Variants in LUC7L2 observed in about 807,000 individuals in gnomAD.
The protein encoded by LUC7L2 is LUC7 like 2, pre-mRNA splicing factor, also known as putative RNA-binding protein Luc7-like 2.
LUC7L2 carries 25 observed loss-of-function variants against 52.8 expected under a neutral mutation model. That is an observed-to-expected ratio of 0.47 (90% CI 0.34 to 0.66). The LOEUF is 0.66. LUC7L2 is among the 30% of genes least tolerant of loss of function. LUC7L2 has a pLI of 0.01. For missense variants in LUC7L2, 328 were observed against 497.8 expected (o/e 0.66, Z 3.25); for synonymous variants, 144 against 160.9 (o/e 0.89, Z 0.80).
upstream of LUC7L2, among the ~76,000 whole-genome samples, chr7:139,355,210 G>A (rs1799574169): frequency 6.6e-6 from 1 of 152,110 alleles, no homozygotes; most frequent in African/African-American, 2.4e-5. Context: ...TGTTGGTCAA[G>A]AGAAAATGAG....
At chr7:139,400,728 A>G (rs1029855758) in intron 3 of LUC7L2, among the ~76,000 whole-genome samples, 1 of 151,978 alleles carries the variant, frequency 6.6e-6, no homozygotes, top group Admixed American at 6.6e-5. Flanking sequence ...ACCCAACACT[A>G]TTTGCTGATT....
chr7:139,401,508 A>C (rs564699636), intron 3 of LUC7L2, among the ~76,000 whole-genome samples: 1 of 152,264 alleles, frequency 6.6e-6, no homozygotes, highest in South Asian at 2.1e-4. Flanking sequence ...GCTAGAATGC[A>C]GTGGTGCGAT....
At chr7:139,407,539 T>C (rs1795179286) in intron 6 of LUC7L2, among the ~76,000 whole-genome samples, 189 bp downstream of exon 6, 1 of 152,184 alleles carries the variant, frequency 6.6e-6, no homozygotes, top group African/African-American at 2.4e-5. Flanking sequence ...GACTTAATAT[T>C]ATCCTGTTAT....
At chr7:139,382,934 C>CT (rs978107145) in intron 2 of LUC7L2, among the ~76,000 whole-genome samples, 131 of 145,254 alleles carry the variant, frequency 9.0e-4, no homozygotes, top group East Asian at 1.2e-3. Context: ...GCTGAAGTAT[C>CT]TTTTTTTTTT....
chr7:139,343,742 C>G (rs1799116580), intron 1 of LUC7L2, among the ~76,000 whole-genome samples: 1 of 151,946 alleles, frequency 6.6e-6, no homozygotes, highest in Non-Finnish European at 1.5e-5. Flanking sequence ...CACGACCAGC[C>G]TGGGCAACAT....
intron 5 of LUC7L2, among the ~76,000 whole-genome samples, 174 bp from the exon 6 acceptor site, chr7:139,407,000 G>GTTTTTTTTTTTTTTTT (rs779013466): frequency 4.5e-5 from 5 of 111,612 alleles, no homozygotes; most frequent in African/African-American, 1.1e-4. Flanking sequence ...ATGCTTTTGT[G>GTTTTTTTTTTTTTTTT]GTTTTTTTTT....
intron 2 of LUC7L2, among the ~76,000 whole-genome samples, chr7:139,394,818 G>A (rs968231608): frequency 6.6e-6 from 1 of 152,152 alleles, no homozygotes; most frequent in East Asian, 1.9e-4. Context: ...ATTAGACTAG[G>A]AATCAGTCTA....
intron 1 of LUC7L2, chr7:139,341,582 G>T: frequency 6.3e-7 from 1 of 1,582,168 alleles, no homozygotes. Flanking sequence ...GCCGGGTCTG[G>T]GCTAGGGTGG....
At chr7:139,342,477 T>TG (rs1000585773) in intron 1 of LUC7L2, among the ~76,000 whole-genome samples, 1 of 152,028 alleles carries the variant, frequency 6.6e-6, no homozygotes, top group African/African-American at 2.4e-5. Flanking sequence ...TGGAGGTAGA[T>TG]GAAGTGGTAG....
chr7:139,409,336 T>A, intron 6 of LUC7L2, among the ~76,000 whole-genome samples: 1 of 149,880 alleles, frequency 6.7e-6, no homozygotes, highest in African/African-American at 2.5e-5. Context: ...CAAGTAGAAA[T>A]CATGGAGAAA....
At chr7:139,401,602 A>C (rs369381190) in intron 3 of LUC7L2, among the ~76,000 whole-genome samples, 1 of 150,854 alleles carries the variant, frequency 6.6e-6, no homozygotes, top group East Asian at 2.0e-4. Context: ...ACAGGCGCGC[A>C]CTACCATGCC....
At chr7:139,397,545 C>G (rs760153037) in intron 2 of LUC7L2, among the ~76,000 whole-genome samples, 2 of 152,188 alleles carry the variant, frequency 1.3e-5, no homozygotes, top group Non-Finnish European at 2.9e-5. Flanking sequence ...GACTTGTACT[C>G]CCTTTTTACC....
chr7:139,402,185 G>C lies in LUC7L2; in HGVS notation c.304G>C (p.Glu102Gln). ...CATTGCAGATTGTGATCGTAGAACA[G>C]AAGTGGCCAAGAAAAGATTAGCAGA... The part of the protein sequence containing the change: ...SFIADCDRRT[E>Q]VAKKRLAETQ... The change falls in exon 4 of 10, where the codon GAA becomes CAA. Residue 102 changes from glutamate (E) to glutamine (Q), a missense_variant. Glu to Gln is a conservative substitution (Grantham distance 29). This residue lies in a region of LUC7L2 where 133 missense variants were observed against 274.4 expected (regional missense o/e 0.48). Transcript: ENST00000354926. 1 of 1,610,518 alleles carries C rather than the reference G, an allele frequency of 6.2e-7. No homozygotes were observed. The highest frequency in any genetic ancestry group is 8.5e-7 in the Non-Finnish European group (1 of 1,178,766).
intron 5 of LUC7L2, among the ~76,000 whole-genome samples, chr7:139,406,072 A>G (rs960531753): frequency 6.6e-6 from 1 of 151,986 alleles, no homozygotes; most frequent in African/African-American, 2.4e-5. Context: ...TTTTTTTGAG[A>G]TGGAGTTTTG....
At chr7:139,372,946 T>C (rs1011814130) in intron 1 of LUC7L2, among the ~76,000 whole-genome samples, 1 of 152,214 alleles carries the variant, frequency 6.6e-6, no homozygotes, top group Non-Finnish European at 1.5e-5. Context: ...CCAATGTCAT[T>C]GTGACAGGAT....
At chr7:139,392,065 C>T (rs1321879000) in intron 2 of LUC7L2, among the ~76,000 whole-genome samples, 1 of 152,148 alleles carries the variant, frequency 6.6e-6, no homozygotes, top group Non-Finnish European at 1.5e-5. Context: ...TCAAGAACAT[C>T]ATTTTTAAAG....
At chr7:139,382,356 T>TGGGGACTTTGATATTGTC (rs1475320887) in intron 2 of LUC7L2, among the ~76,000 whole-genome samples, 1 of 151,854 alleles carries the variant, frequency 6.6e-6, no homozygotes, top group Non-Finnish European at 1.5e-5. Flanking sequence ...TCAATATTAT[T>TGGGGACTTTGATATTGTC]GGGGACTTTG....
chr7:139,368,878 T>C (rs1280746778), intron 1 of LUC7L2, among the ~76,000 whole-genome samples: 1 of 152,198 alleles, frequency 6.6e-6, no homozygotes, highest in Non-Finnish European at 1.5e-5. Flanking sequence ...GTATTTCTGC[T>C]GTGTTGTTTA....
rs1795975122 is a variant in LUC7L2, at chr7:139,423,339, G to T, written c.*999G>T. ...TGGGCCCCTTGCTGACTATATTCCA[G>T]CCACTTCAGGGTTGTTTGTAATGAC... On this transcript the variant is annotated 3_prime_UTR_variant, in exon 10 of 10. Coordinates refer to ENST00000354926, the MANE Select transcript of LUC7L2 (RefSeq NM_016019.5). 1 of 398,800 alleles carries T rather than the reference G, an allele frequency of 2.5e-6. No homozygotes were observed. The highest frequency in any genetic ancestry group is 4.4e-6 in the Non-Finnish European group (1 of 226,050). 24.7% of individuals were successfully genotyped at this position (398,800 alleles called of 1,614,324 possible).
Sources: allele counts gnomAD v4.1 joint callset (sites outside exome capture counted in the v4.1 genomes callset), GRCh38; gene constraint gnomAD v4.1.1; regional missense constraint gnomAD v4.1.1; transcripts MANE v1.5; gene names NCBI Gene and HGNC (gene_info 2026-07-23, HGNC 2026-07-21).